Variants in SLC24A2 observed in about 807,000 individuals in gnomAD.
SLC24A2 encodes sodium/potassium/calcium exchanger 2.
Under a neutral mutation model 62.0 loss-of-function variants are expected in SLC24A2, and 36 were observed. The ratio of observed to expected loss-of-function variants is 0.58; its 90% CI spans 0.44 to 0.77. SLC24A2 has a LOEUF of 0.77. Ranked by LOEUF, SLC24A2 falls within the 30% of genes least tolerant of loss-of-function variation. The pLI is 0.00. For missense variants in SLC24A2, 846 were observed against 817.9 expected (o/e 1.03, Z -0.42); for synonymous variants, 358 against 294.0 (o/e 1.22, Z -2.23).
At chr9:19,934,811 G>T in the SLC24A2 span, among the ~76,000 whole-genome samples, 1 of 152,124 alleles carries the variant, frequency 6.6e-6, no homozygotes, top group Non-Finnish European at 1.5e-5. The surrounding 1 kb of genome is among the most constrained non-coding windows in gnomAD (Gnocchi z 4.1). Flanking sequence ...TGGCGGGGAG[G>T]GCAAGCGTGG....
At chr9:20,050,244 A>G in the SLC24A2 span, among the ~76,000 whole-genome samples, 9 of 150,852 alleles carry the variant, frequency 6.0e-5, no homozygotes, top group East Asian at 1.9e-4. Context: ...TCTCTACAAA[A>G]AAAAAAAAAA....
the SLC24A2 span, among the ~76,000 whole-genome samples, chr9:19,991,010 A>C: frequency 1.6e-5 from 2 of 126,656 alleles, no homozygotes; most frequent in Admixed American, 1.7e-4. Context: ...GTATACATAT[A>C]TACATACACA....
the SLC24A2 span, among the ~76,000 whole-genome samples, chr9:19,805,493 C>T: frequency 1.3e-5 from 2 of 152,112 alleles, no homozygotes; most frequent in Non-Finnish European, 2.9e-5. Flanking sequence ...TCAAAATGAA[C>T]ATACATATGG....
At chr9:19,636,313 T>TCTTTCCTTTCCTTTC (rs1564009619) in intron 2 of SLC24A2, among the ~76,000 whole-genome samples, 2 of 21,398 alleles carry the variant, frequency 9.3e-5, no homozygotes, top group African/African-American at 4.7e-4. Flanking sequence ...TCTTTTCTTT[T>TCTTTCCTTTCCTTTC]CTTTTCTTTC....
rs187788583 is a variant in SLC24A2, at chr9:19,632,483, A to G, written c.931-10184T>C. 3.9e-4 allele frequency among the ~76,000 whole-genome samples: 59 copies of G among 152,316 alleles called. No homozygotes were observed. Among genetic ancestry groups the G allele is most frequent in the African/African-American group, 1.4e-3 (57 of 41,574 alleles). On this transcript the variant is annotated intron_variant, in intron 2 of 10. Coordinates refer to ENST00000341998, the MANE Select transcript of SLC24A2 (RefSeq NM_020344.4). The surrounding 1 kb of genome is among the most constrained non-coding windows in gnomAD (Gnocchi z 4.5). ...ATATTCTAGCCTAGATCTCACTTCC[A>G]AGACACATTCTTCCAATTAAGTAGC... is the stretch of plus-strand genomic sequence containing the variant.
At chr9:19,644,033 C>T (rs932621116) in intron 2 of SLC24A2, among the ~76,000 whole-genome samples, 1 of 152,216 alleles carries the variant, frequency 6.6e-6, no homozygotes, top group African/African-American at 2.4e-5. Context: ...TAAACTGCAT[C>T]TGACACATTT....
chr9:19,514,232 C>A lies in SLC24A2; in HGVS notation c.*1921G>T, dbSNP rs1256881191. ...GCTTGATCTGGGGCTGTCAGGTTACCTTTCCTCTTATTCTGCTGTGAGTTC... is the reference window on the plus strand; with the variant it reads ...GCTTGATCTGGGGCTGTCAGGTTACATTTCCTCTTATTCTGCTGTGAGTTC... On this transcript the variant is annotated 3_prime_UTR_variant, in exon 11 of 11. Coordinates refer to ENST00000341998, the MANE Select transcript of SLC24A2 (RefSeq NM_020344.4). 6.6e-6 allele frequency: 1 copy of A among 152,158 alleles called. No homozygotes were observed. The highest frequency in any genetic ancestry group is 1.5e-5 in the Non-Finnish European group (1 of 68,056). The allele number at this position is 152,158 out of a possible 1,614,324, so 9.4% of individuals were successfully genotyped here.
chr9:19,578,108 G>C (rs999826020), intron 5 of SLC24A2, among the ~76,000 whole-genome samples: 4 of 151,340 alleles, frequency 2.6e-5, no homozygotes, highest in Non-Finnish European at 1.5e-5. Flanking sequence ...AGGGGGACGA[G>C]GGATAAAGGA....
chr9:20,241,511 T>A, the SLC24A2 span, among the ~76,000 whole-genome samples: 1 of 152,214 alleles, frequency 6.6e-6, no homozygotes, highest in Non-Finnish European at 1.5e-5. Context: ...ATGAGAGTAT[T>A]ACTTAATTGG....
the SLC24A2 span, among the ~76,000 whole-genome samples, chr9:20,074,428 C>T: frequency 9.9e-5 from 15 of 151,822 alleles, no homozygotes; most frequent in Non-Finnish European, 1.6e-4. Flanking sequence ...TGGAGTCCAA[C>T]AATTTATTAT....
chr9:20,206,010 G>A, the SLC24A2 span, among the ~76,000 whole-genome samples: 1 of 152,190 alleles, frequency 6.6e-6, no homozygotes. Context: ...GTGAACCAAT[G>A]TTTTCCAAAT....
chr9:19,896,811 A>G, the SLC24A2 span, among the ~76,000 whole-genome samples: 4 of 152,244 alleles, frequency 2.6e-5, no homozygotes, highest in Non-Finnish European at 5.9e-5. Flanking sequence ...AAGGGGAACA[A>G]CATTAATTTT....
chr9:19,642,407 A>G (rs1395284052), intron 2 of SLC24A2, among the ~76,000 whole-genome samples: 2 of 152,192 alleles, frequency 1.3e-5, no homozygotes, highest in Non-Finnish European at 2.9e-5. Flanking sequence ...GACAAAGCTC[A>G]GCTGGAGCTC....
the SLC24A2 span, among the ~76,000 whole-genome samples, chr9:20,204,766 C>G: frequency 2.3e-5 from 3 of 130,808 alleles, no homozygotes; most frequent in Non-Finnish European, 4.7e-5. Flanking sequence ...TTTTTTGAGA[C>G]AGAGTCTCGT....
intron 2 of SLC24A2, among the ~76,000 whole-genome samples, chr9:19,780,690 G>C (rs1822989157): frequency 2.0e-5 from 3 of 151,464 alleles, no homozygotes; most frequent in African/African-American, 7.3e-5. Context: ...TTGACACCAC[G>C]GTGAAACCCC....
chr9:19,993,843 A>G, the SLC24A2 span, among the ~76,000 whole-genome samples: 1 of 152,232 alleles, frequency 6.6e-6, no homozygotes, highest in African/African-American at 2.4e-5. Flanking sequence ...ACTTCATGCT[A>G]GTGATTGAAA....
the SLC24A2 span, among the ~76,000 whole-genome samples, chr9:20,190,033 G>A: frequency 3.3e-5 from 5 of 152,252 alleles, no homozygotes; most frequent in East Asian, 5.8e-4. Context: ...GCACCCCACT[G>A]GGAAGCCATG....
intron 2 of SLC24A2, among the ~76,000 whole-genome samples, chr9:19,645,035 C>A (rs1019424689): frequency 6.6e-6 from 1 of 152,086 alleles, no homozygotes; most frequent in South Asian, 2.1e-4. Flanking sequence ...GAGAAAAAAA[C>A]ACTCTGTTCT....
intron 4 of SLC24A2, among the ~76,000 whole-genome samples, chr9:19,603,688 CCTTATCTTTCTTACCA>C (rs1214816190): frequency 6.6e-6 from 1 of 152,134 alleles, no homozygotes; most frequent in Non-Finnish European, 1.5e-5. Context: ...ACTCTTCTTC[CCTTATCTTTCTTACCA>C]CCTGTCTACC....
Sources: allele counts gnomAD v4.1 joint callset (sites outside exome capture counted in the v4.1 genomes callset), GRCh38; gene constraint gnomAD v4.1.1; non-coding constraint Gnocchi (gnomAD v3.1); transcripts MANE v1.5; gene names NCBI Gene and HGNC (gene_info 2026-07-23, HGNC 2026-07-21).